PCOLCE2: variants seen among roughly 807,000 people sequenced by gnomAD.
PCOLCE2 encodes the protein procollagen C-proteinase enhancer 2.
PCOLCE2 carries 42 observed loss-of-function variants against 47.0 expected under a neutral mutation model. That is an observed-to-expected ratio of 0.89 (90% CI 0.70 to 1.16). The LOEUF is 1.16. Ranked by LOEUF, PCOLCE2 falls within the 50% of genes most tolerant of loss-of-function variation. The pLI is 0.00. For missense variants in PCOLCE2, 500 were observed against 526.1 expected (o/e 0.95, Z 0.49); for synonymous variants, 169 against 191.7 (o/e 0.88, Z 0.98).
Position 142,827,711 on chromosome 3 carries a change from C to T in PCOLCE2, c.865+1981G>A, listed in dbSNP as rs939182230. 4 of 986,250 alleles carry T rather than the reference C, an allele frequency of 4.1e-6. No homozygotes were observed. In the African/African-American group the frequency reaches 4.9e-5, roughly 12 times the overall value. 61.1% of individuals were successfully genotyped at this position (986,250 alleles called of 1,614,324 possible). A position where few individuals can be genotyped will look rare whatever the true frequency, so the allele number is the denominator to read the frequency against. ...CACCTTGGGGAGGGGCGCGCTGTGA[C>T]CCGAGTTGTGGATGATGGGTGACTC... On this transcript the variant is annotated intron_variant, in intron 6 of 8. Coordinates refer to ENST00000295992, the MANE Select transcript of PCOLCE2 (RefSeq NM_013363.4).
chr3:142,844,248 T>A (rs1937299711), intron 3 of PCOLCE2, among the ~76,000 whole-genome samples: 1 of 152,198 alleles, frequency 6.6e-6, no homozygotes, highest in Admixed American at 6.5e-5. Context: ...TCTACACTAC[T>A]TTTCTGAAAA....
At chr3:142,883,323 G>A (rs1035378706) in intron 2 of PCOLCE2, among the ~76,000 whole-genome samples, 4 of 151,706 alleles carry the variant, frequency 2.6e-5, no homozygotes, top group South Asian at 4.1e-4. Context: ...TATAAACAAA[G>A]CTTCAGCTGG....
At chr3:142,849,844 ACATT>A (rs1937370495) in intron 2 of PCOLCE2, among the ~76,000 whole-genome samples, 1 of 152,218 alleles carries the variant, frequency 6.6e-6, no homozygotes, top group African/African-American at 2.4e-5. Context: ...AGATGCTTTG[ACATT>A]AATACGGCTT....
chr3:142,865,542 T>C (rs978646191), intron 2 of PCOLCE2, among the ~76,000 whole-genome samples: 1 of 152,212 alleles, frequency 6.6e-6, no homozygotes, highest in Non-Finnish European at 1.5e-5. Context: ...TCTTGAAGAA[T>C]GCATTGGCTA....
intron 8 of PCOLCE2, among the ~76,000 whole-genome samples, chr3:142,820,428 T>C (rs868068304): frequency 2.0e-5 from 3 of 152,238 alleles, no homozygotes; most frequent in Non-Finnish European, 4.4e-5. Flanking sequence ...TCGTAATTTC[T>C]TTCAATAAAC....
rs1438390861 is a variant in PCOLCE2 at position 142,858,721 on chromosome 3, T to TTG, written c.193-10251_193-10250dup. On this transcript the variant is annotated intron_variant, in intron 2 of 8. Transcript: ENST00000295992. ...TCCCTCAGTCCATGTATACAGGATT[T>TTG]TGTGTGTGTGTGTATGTGTGTGTGT... is the stretch of plus-strand genomic sequence containing the variant. Among the ~76,000 whole-genome samples the TTG allele has an allele frequency of 2.5e-4, 30 of 121,376 alleles. No individual in the cohort carries two copies. The East Asian group carries it at 2.9e-3, about 12-fold the overall frequency. 79.6% of individuals were successfully genotyped at this position (121,376 alleles called of 152,430 possible).
chr3:142,821,491 G>A (rs184946712), intron 7 of PCOLCE2, among the ~76,000 whole-genome samples: 4 of 152,262 alleles, frequency 2.6e-5, no homozygotes, highest in Admixed American at 6.5e-5. Context: ...CGGTGTGGGT[G>A]TGTAGCCACC....
At position 142,827,135 on chromosome 3, in the gene PCOLCE2, A is replaced by T; in HGVS notation, c.865+2557T>A. Reference sequence around the variant, plus strand: ...CCTGCACAGTCTTGGTTCCCCAGAGACGTCCAGTCTGGCGGGCAGCAATGA... The same window carrying T: ...CCTGCACAGTCTTGGTTCCCCAGAGTCGTCCAGTCTGGCGGGCAGCAATGA... On this transcript the variant is annotated intron_variant, in intron 6 of 8. Transcript: ENST00000295992. The T allele has an allele frequency of 2.8e-6, 4 of 1,446,568 alleles. No homozygotes were observed. The South Asian group carries it at 4.6e-5, about 16-fold the overall frequency. 89.6% of individuals were successfully genotyped at this position (1,446,568 alleles called of 1,614,324 possible).
intron 2 of PCOLCE2, among the ~76,000 whole-genome samples, chr3:142,849,915 G>A (rs1380861270): frequency 6.6e-6 from 1 of 152,170 alleles, no homozygotes; most frequent in Non-Finnish European, 1.5e-5. Flanking sequence ...AAGATGAAGT[G>A]TTTTCAGTGC....
chr3:142,865,882 T>C (rs1560139226), intron 2 of PCOLCE2, among the ~76,000 whole-genome samples: 1 of 152,222 alleles, frequency 6.6e-6, no homozygotes, highest in Non-Finnish European at 1.5e-5. Flanking sequence ...GTTCACTTAA[T>C]ATGTTGTTAA....
Position 142,888,980 on chromosome 3 carries a change from C to CGATCACACTGGCAGCAGCGCTG in PCOLCE2, c.-85_-84insCAGCGCTGCTGCCAGTGTGATC. ...TCCGCACCCACCGCGCTCACACCGC[C>CGATCACACTGGCAGCAGCGCTG]GCTCACACTGGCAGCAGCGCTGGCT... On this transcript the variant is annotated 5_prime_UTR_variant, in exon 1 of 9. Coordinates refer to ENST00000295992, the MANE Select transcript of PCOLCE2 (RefSeq NM_013363.4). 1.9e-6 allele frequency: 1 copy of CGATCACACTGGCAGCAGCGCTG among 514,054 alleles called. No homozygotes were observed. 31.8% of individuals were successfully genotyped at this position (514,054 alleles called of 1,614,324 possible). A position where few individuals can be genotyped will look rare whatever the true frequency, so the allele number is the denominator to read the frequency against.
rs376879862 is a variant in PCOLCE2, at chr3:142,829,720, A to T, written c.837T>A (p.Pro279=). The change falls in exon 6 of 9, where the codon CCT becomes CCA. Residue 279 remains proline, a synonymous_variant. Transcript: ENST00000295992. ...PKKLPTTTEQ[P]VTTTFPVTTG... ...TGGTTACAGGGAATGTGGTGGTGAC[A>T]GGCTGTTCTGTAGTTGTAGGCAGTT... 6.2e-7 allele frequency: 1 copy of T among 1,601,524 alleles called. No homozygotes were observed. Among genetic ancestry groups the T allele is most frequent in the Non-Finnish European group, 8.5e-7 (1 of 1,173,610 alleles).
chr3:142,854,861 ATAT>A lies in PCOLCE2; in HGVS notation c.193-6392_193-6390del, dbSNP rs141515845. On this transcript the variant is annotated intron_variant, in intron 2 of 8. Coordinates refer to ENST00000295992, the MANE Select transcript of PCOLCE2 (RefSeq NM_013363.4). ...CCCTTACAGCAACCCTATGAAGTTGATATTATTATTGGCCCAACTTTATAGTTT... is the reference window on the plus strand; with the variant it reads ...CCCTTACAGCAACCCTATGAAGTTGATATTATTGGCCCAACTTTATAGTTT... Among the ~76,000 whole-genome samples the A allele has an allele frequency of 5.3e-3, 806 of 152,326 alleles. 5 individuals carry two copies. The highest frequency in any genetic ancestry group is 0.018 in the African/African-American group (762 of 41,562).
chr3:142,869,062 C>A (rs572351401), intron 2 of PCOLCE2, among the ~76,000 whole-genome samples: 1 of 152,240 alleles, frequency 6.6e-6, no homozygotes, highest in African/African-American at 2.4e-5. Flanking sequence ...GAGGCTGAGG[C>A]AGGTGGATCA....
At chr3:142,884,605 G>A (rs1933686927) in intron 2 of PCOLCE2, among the ~76,000 whole-genome samples, 2 of 152,116 alleles carry the variant, frequency 1.3e-5, no homozygotes, top group African/African-American at 4.8e-5. Flanking sequence ...AACACATACA[G>A]TAAAAGTAAA....
At chr3:142,826,559 C>T (rs1042159027) in intron 6 of PCOLCE2, among the ~76,000 whole-genome samples, 2 of 152,186 alleles carry the variant, frequency 1.3e-5, no homozygotes, top group African/African-American at 4.8e-5. Flanking sequence ...TTACTCCCAT[C>T]AACATAAGCA....
intron 2 of PCOLCE2, among the ~76,000 whole-genome samples, chr3:142,881,745 T>C (rs1228673068): frequency 6.6e-6 from 1 of 152,148 alleles, no homozygotes; most frequent in Non-Finnish European, 1.5e-5. Flanking sequence ...TATGTGGTAG[T>C]CATTGACTGA....
chr3:142,844,757 G>A (rs1033320484), intron 3 of PCOLCE2, among the ~76,000 whole-genome samples: 3 of 152,022 alleles, frequency 2.0e-5, no homozygotes, highest in South Asian at 2.1e-4. Context: ...CCTTTTTATC[G>A]TTGAGTTGTA....
chr3:142,884,873 T>C (rs1433505092), intron 2 of PCOLCE2, among the ~76,000 whole-genome samples: 1 of 152,238 alleles, frequency 6.6e-6, no homozygotes, highest in Non-Finnish European at 1.5e-5. Context: ...ATATTACATA[T>C]TGTCCAGTAA....
Sources: gnomAD v4.1 joint callset for allele counts (sites outside exome capture counted in the v4.1 genomes callset) on GRCh38, gnomAD v4.1.1 for gene constraint, MANE v1.5 for transcripts, NCBI Gene and HGNC (gene_info 2026-07-23, HGNC 2026-07-21) for gene names.